The following GNPAT variants were observed in gnomAD, a reference collection of about 807,000 sequenced individuals.
GNPAT encodes dihydroxyacetone phosphate acyltransferase.
Under a neutral mutation model 78.4 loss-of-function variants are expected in GNPAT, and 30 were observed. That is an observed-to-expected ratio of 0.38 (90% CI 0.29 to 0.52). The LOEUF is 0.52. Ranked by LOEUF, GNPAT falls within the 20% of genes least tolerant of loss-of-function variation. The pLI, the probability that GNPAT is intolerant of heterozygous loss-of-function variation, is 0.84. For missense variants in GNPAT, 714 were observed against 812.2 expected, an observed-to-expected ratio of 0.88 and a Z score of 1.47; for synonymous variants, 271 against 281.1, an observed-to-expected ratio of 0.96 and a Z score of 0.36.
At chr1:231,253,312 G>C (rs1558327189) in intron 2 of GNPAT, among the ~76,000 whole-genome samples, 1 of 152,124 alleles carries the variant, frequency 6.6e-6, no homozygotes, top group African/African-American at 2.4e-5. Context: ...TTGTCTTTAG[G>C]AGTATTGCCC....
rs534120426 is a variant in GNPAT at position 231,245,410 on chromosome 1, G to T, written c.78+3954G>T. Among the ~76,000 whole-genome samples the T allele has an allele frequency of 1.1e-3, 167 of 146,936 alleles. 1 individual carries two copies. Among genetic ancestry groups the T allele is most frequent in the East Asian group, 7.1e-3 (36 of 5,038 alleles). ...AGGCGCATACCACCACGCCTGACTG[G>T]TTTTTTTTTTTATTTTGTGTAGAGA... is the stretch of plus-strand genomic sequence containing the variant. On this transcript the variant is annotated intron_variant, in intron 1 of 15. Transcript: ENST00000366647.
At chr1:231,257,083 G>T (rs1685087896) in intron 2 of GNPAT, among the ~76,000 whole-genome samples, 1 of 152,172 alleles carries the variant, frequency 6.6e-6, no homozygotes, top group Admixed American at 6.5e-5. Context: ...AAGCCTAATT[G>T]CATAGAGTAA....
chr1:231,248,854 C>G (rs1053118568), intron 1 of GNPAT, among the ~76,000 whole-genome samples: 1 of 152,096 alleles, frequency 6.6e-6, no homozygotes, highest in African/African-American at 2.4e-5. Flanking sequence ...AGGTTTGTAG[C>G]CTAGGAGCAA....
At chr1:231,250,836 C>T in intron 1 of GNPAT, 125 bp from the exon 2 acceptor site, 1 of 667,716 alleles carries the variant, frequency 1.5e-6, no homozygotes, top group Non-Finnish European at 2.8e-6. Context: ...AACATCAGAA[C>T]ACTCTGCTCC....
At chr1:231,250,919 A>G (rs1684878436) in intron 1 of GNPAT, 42 bp from the exon 2 acceptor site, 4 of 1,279,564 alleles carry the variant, frequency 3.1e-6, no homozygotes, top group Non-Finnish European at 4.6e-6. Context: ...GTCCTGATTT[A>G]TTTTACAGTA....
chr1:231,245,413 T>G (rs1020165282), intron 1 of GNPAT, among the ~76,000 whole-genome samples: 2 of 151,930 alleles, frequency 1.3e-5, no homozygotes, highest in Non-Finnish European at 2.9e-5. Flanking sequence ...CTGACTGGTT[T>G]TTTTTTTTAT....
chr1:231,265,353 G>A lies in GNPAT; in HGVS notation c.629G>A (p.Arg210Gln), dbSNP rs142283145. ...LLRMSGAFFM[R>Q]RTFGGNKLYW... is the part of the protein sequence containing the mutation. The stretch of plus-strand genomic sequence containing the variant: ...CGAATGTCGGGTGCCTTTTTCATGC[G>A]GCGTACCTTTGGTGGCAATAAACTC... Residue 210 changes from arginine to glutamine, a missense_variant, in exon 5 of 16, where the codon CGG becomes CAG. Arg to Gln is a conservative substitution (Grantham distance 43). Coordinates refer to ENST00000366647, the MANE Select transcript of GNPAT (RefSeq NM_014236.4). 3.5e-4 allele frequency: 558 copies of A among 1,610,372 alleles called. 2 individuals carry two copies. In the African/African-American group the frequency reaches 6.4e-3, roughly 18 times the overall value.
At chr1:231,248,231 T>G (rs2102798938) in intron 1 of GNPAT, among the ~76,000 whole-genome samples, 1 of 152,330 alleles carries the variant, frequency 6.6e-6, no homozygotes, top group East Asian at 1.9e-4. Context: ...TTATGTGTAT[T>G]ATGTACTGTA....
chr1:231,267,734 C>T lies in GNPAT; in HGVS notation c.1110C>T (p.Ala370=), dbSNP rs1187942898. The T allele has an allele frequency of 3.1e-6, 5 of 1,612,900 alleles. No individual in the cohort carries two copies. The highest frequency in any genetic ancestry group is 2.7e-5 in the African/African-American group (2 of 74,858). The change falls in exon 9 of 16, where the codon GCC becomes GCT. Residue 370 remains alanine, a synonymous_variant. Coordinates refer to ENST00000366647, the MANE Select transcript of GNPAT (RefSeq NM_014236.4). ...TGCATGCCTTTGTCACTGAAGTTGC[C>T]TACAAAATGGAGCTTCTGCAAATTG... ...EDMHAFVTEV[A]YKMELLQIEN... is the part of the protein sequence containing the mutation.
intron 2 of GNPAT, among the ~76,000 whole-genome samples, chr1:231,258,545 G>A (rs549794679): frequency 2.0e-5 from 3 of 151,500 alleles, no homozygotes; most frequent in South Asian, 2.1e-4. Flanking sequence ...AAACAGGTCC[G>A]AGGCTTTAAC....
At position 231,267,669 on chromosome 1, in the gene GNPAT, C is replaced by A. The variant is rs747256220; in HGVS notation, c.1056-11C>A. 2.0e-6 allele frequency: 3 copies of A among 1,465,860 alleles called. No individual in the cohort carries two copies. Among genetic ancestry groups the A allele is most frequent in the East Asian group, 2.3e-5 (1 of 44,148 alleles). The allele number at this position is 1,465,860 out of a possible 1,614,324, so 90.8% of individuals were successfully genotyped here. A position where few individuals can be genotyped will look rare whatever the true frequency, so the allele number is the denominator to read the frequency against. ...GAACTGTAATTTGTTGCTCTGTGCT[C>A]TTCCTTTTAGATACATTCCTCAGAA... On this transcript the variant is annotated splice_polypyrimidine_tract_variant and intron_variant, in intron 8 of 15. Coordinates refer to ENST00000366647, the MANE Select transcript of GNPAT (RefSeq NM_014236.4).
At position 231,241,392 on chromosome 1, in the gene GNPAT, G is replaced by C. The variant is rs377074902; in HGVS notation, c.14G>C (p.Ser5Thr). MESS[S>T]SSNSYFSVGP... ...GGCAGCCGCACCATGGAGTCTTCCA[G>C]TTCATCTAACTCTTATTTCTCCGTT... The change falls in exon 1 of 16, where the codon AGT becomes ACT. Residue 5 changes from serine (S) to threonine (T), a missense_variant. By Grantham distance (58) the Ser-to-Thr change is moderately conservative. Coordinates refer to ENST00000366647, the MANE Select transcript of GNPAT (RefSeq NM_014236.4). 2.1e-5 allele frequency: 34 copies of C among 1,613,600 alleles called. No individual in the cohort carries two copies. The highest frequency in any genetic ancestry group is 2.4e-5 in the Non-Finnish European group (28 of 1,179,610).
intron 1 of GNPAT, among the ~76,000 whole-genome samples, chr1:231,248,735 TA>T (rs1405844144): frequency 6.6e-6 from 1 of 152,244 alleles, no homozygotes; most frequent in Non-Finnish European, 1.5e-5. Flanking sequence ...GGTGGTCCCA[TA>T]AGATTATAAT....
chr1:231,262,915 C>T, intron 4 of GNPAT, 63 bp downstream of exon 4: 1 of 1,227,314 alleles, frequency 8.1e-7, no homozygotes, highest in Non-Finnish European at 1.2e-6. Flanking sequence ...CATATTCTAG[C>T]AGTACTGAGG....
intron 1 of GNPAT, among the ~76,000 whole-genome samples, chr1:231,249,635 G>A (rs1306805515): frequency 6.6e-6 from 1 of 152,146 alleles, no homozygotes; most frequent in African/African-American, 2.4e-5. Flanking sequence ...GTAGTTAGTG[G>A]GAAAAGAAGT....
intron 9 of GNPAT, 84 bp from the exon 10 acceptor site, chr1:231,270,674 T>A (rs1245543283): frequency 5.4e-6 from 7 of 1,306,612 alleles, no homozygotes; most frequent in Non-Finnish European, 7.8e-6. Flanking sequence ...TCTGTCACGT[T>A]ACCATTAATA....
chr1:231,265,379 T>C lies in GNPAT; in HGVS notation c.655T>C (p.Tyr219His). 1 of 1,609,036 alleles carries C rather than the reference T, an allele frequency of 6.2e-7. No individual in the cohort carries two copies. The highest frequency in any genetic ancestry group is 8.5e-7 in the Non-Finnish European group (1 of 1,175,386). The part of the protein sequence containing the change: ...MRRTFGGNKL[Y>H]WAVFSEYVKT... ...GCGTACCTTTGGTGGCAATAAACTC[T>C]ACTGGGCTGTATTCTCTGAATATGT... is the stretch of plus-strand genomic sequence containing the variant. Residue 219 changes from tyrosine (Y) to histidine (H), a missense_variant, in exon 5 of 16, where the codon TAC (tyrosine) becomes CAC (histidine). By Grantham distance (83) the Tyr-to-His change is moderately conservative (BLOSUM62 2). Coordinates refer to ENST00000366647, the MANE Select transcript of GNPAT (RefSeq NM_014236.4).
chr1:231,241,284 G>A lies in GNPAT; in HGVS notation c.-95G>A. On this transcript the variant is annotated 5_prime_UTR_variant, in exon 1 of 16. Transcript: ENST00000366647. ...AGAGGGTGCCGCCGCCCTAGGCGAA[G>A]TAGGGCCGTCCTGAGCGAAAGAACC... 7.1e-7 allele frequency: 1 copy of A among 1,402,430 alleles called. No homozygotes were observed. 86.9% of individuals were successfully genotyped at this position (1,402,430 alleles called of 1,614,324 possible). A position where few individuals can be genotyped will look rare whatever the true frequency, so the allele number is the denominator to read the frequency against.
intron 1 of GNPAT, among the ~76,000 whole-genome samples, chr1:231,249,034 A>G (rs1435828413): frequency 2.0e-5 from 3 of 152,216 alleles, no homozygotes; most frequent in Admixed American, 1.3e-4. Flanking sequence ...GTGTATACAT[A>G]TATCCCCAGC....
Sources: gnomAD v4.1 joint callset for allele counts (sites outside exome capture counted in the v4.1 genomes callset) on GRCh38, gnomAD v4.1.1 for gene constraint, MANE v1.5 for transcripts, NCBI Gene and HGNC (gene_info 2026-07-23, HGNC 2026-07-21) for gene names.